The following MALL variants were observed in gnomAD, a reference collection of about 807,000 sequenced individuals.
MALL encodes mal, T cell differentiation protein like.
Under a neutral mutation model 10.3 loss-of-function variants are expected in MALL, and 2 were observed. The observed-to-expected ratio is 0.19, with a 90% CI of 0.08 to 0.61. The LOEUF is 0.61. MALL is among the 20% of genes least tolerant of loss of function. The probability of loss-of-function intolerance (pLI) is 0.88; values close to 1 mark genes in which losing one functional copy is unlikely to be tolerated. For missense variants in MALL, 39 were observed against 115.2 expected (o/e 0.34, Z 3.03); for synonymous variants, 27 against 51.8 (o/e 0.52, Z 2.05).
chr2:110,102,279 G>C (rs1246004852), intron 1 of MALL, among the ~76,000 whole-genome samples: 11 of 152,088 alleles, frequency 7.2e-5, no homozygotes, highest in Non-Finnish European at 1.5e-5. Context: ...GAAAGGCAGG[G>C]ACCAGACCAT....
intron 1 of MALL, among the ~76,000 whole-genome samples, chr2:110,109,852 T>C (rs2104392897): frequency 6.6e-6 from 1 of 152,016 alleles, no homozygotes; most frequent in East Asian, 1.9e-4. Context: ...TTTAAGAAAA[T>C]TGAAATTATA....
At chr2:110,107,846 A>G (rs1206666115) in intron 1 of MALL, among the ~76,000 whole-genome samples, 1 of 152,200 alleles carries the variant, frequency 6.6e-6, no homozygotes, top group Non-Finnish European at 1.5e-5. Flanking sequence ...AGACCCATAG[A>G]CATTCCACAT....
intron 1 of MALL, among the ~76,000 whole-genome samples, chr2:110,092,653 T>A (rs1678395385): frequency 8.5e-6 from 1 of 118,100 alleles, no homozygotes. Context: ...CATGTATACA[T>A]ATGTAACAAA....
rs200648925 is a variant in MALL at position 110,108,306 on chromosome 2, A to G, written c.105+7382T>C. 1.2e-4 allele frequency among the ~76,000 whole-genome samples: 18 copies of G among 152,254 alleles called. 1 individual carries two copies. The East Asian group carries it at 3.5e-3, about 29-fold the overall frequency. On this transcript the variant is annotated intron_variant, in intron 1 of 3. Coordinates refer to ENST00000272462, the MANE Select transcript of MALL (RefSeq NM_005434.5). The stretch of plus-strand genomic sequence containing the variant: ...AAAAAATGATACAAGAAGTGAAGGG[A>G]GAAATATTCATGGAAATAGATAGCT...
chr2:110,107,778 G>A (rs1195611312), intron 1 of MALL, among the ~76,000 whole-genome samples: 1 of 152,140 alleles, frequency 6.6e-6, no homozygotes, highest in Non-Finnish European at 1.5e-5. Context: ...GACCCTCACA[G>A]AGTCCACTGC....
At chr2:110,100,580 ACACACC>A (rs1279863348) in intron 1 of MALL, among the ~76,000 whole-genome samples, 1 of 152,054 alleles carries the variant, frequency 6.6e-6, no homozygotes, top group African/African-American at 2.4e-5. Context: ...TCACTTACAC[ACACACC>A]CACACCCGCC....
chr2:110,103,819 A>G (rs1678630250), intron 1 of MALL, among the ~76,000 whole-genome samples: 1 of 152,112 alleles, frequency 6.6e-6, no homozygotes, highest in Non-Finnish European at 1.5e-5. Context: ...GTCCTGCTGG[A>G]CGGCCAGGGA....
intron 1 of MALL, among the ~76,000 whole-genome samples, chr2:110,092,601 T>A (rs1678394090): frequency 1.2e-5 from 1 of 82,862 alleles, no homozygotes; most frequent in South Asian, 4.6e-4. Context: ...CTATGTTTTT[T>A]ATCAAGTTTA....
intron 1 of MALL, among the ~76,000 whole-genome samples, chr2:110,101,421 C>T (rs180810110): frequency 2.2e-4 from 33 of 152,298 alleles, no homozygotes; most frequent in African/African-American, 7.2e-4. Context: ...ATTGCCAGCC[C>T]AGGCCCCTAA....
At chr2:110,115,246 AAAG>A (rs1678881691) in intron 1 of MALL, among the ~76,000 whole-genome samples, 1 of 152,190 alleles carries the variant, frequency 6.6e-6, no homozygotes, top group Admixed American at 6.5e-5. Flanking sequence ...TAGTTGGACA[AAAG>A]AAGCCGCGTA....
At chr2:110,097,543 G>C (rs1678471059) in intron 1 of MALL, 1 of 456,566 alleles carries the variant, frequency 2.2e-6, no homozygotes, top group East Asian at 7.0e-5. Flanking sequence ...GAGAGGGGCT[G>C]CTGCAGGGGC....
chr2:110,113,279 C>CA lies in MALL; in HGVS notation c.105+2408dup, dbSNP rs551434609. Among the ~76,000 whole-genome samples the CA allele has an allele frequency of 3.7e-3, 535 of 144,778 alleles. 1 individual carries two copies. Among genetic ancestry groups the CA allele is most frequent in the South Asian group, 0.013 (60 of 4,536 alleles). The allele number at this position is 144,778 out of a possible 152,430, so 95.0% of individuals were successfully genotyped here. A position where few individuals can be genotyped will look rare whatever the true frequency, so the allele number is the denominator to read the frequency against. ...TGAAACCCCGTCTCTACTAAAAATA[C>CA]AAAAAAAAAATTAGCTGGGCATGGT... On this transcript the variant is annotated intron_variant, in intron 1 of 3. Coordinates refer to ENST00000272462, the MANE Select transcript of MALL (RefSeq NM_005434.5).
intron 1 of MALL, among the ~76,000 whole-genome samples, chr2:110,095,188 GT>G (rs1474952611): frequency 6.6e-6 from 1 of 152,114 alleles, no homozygotes; most frequent in African/African-American, 2.4e-5. Context: ...TTGAGTATTT[GT>G]TTTTACTTTT....
intron 1 of MALL, among the ~76,000 whole-genome samples, chr2:110,095,304 C>T (rs560976029): frequency 3.3e-5 from 5 of 152,226 alleles, no homozygotes; most frequent in Non-Finnish European, 5.9e-5. Context: ...TATTTTTCAA[C>T]GGTTGGGGCT....
rs182085514 is a variant in MALL at position 110,097,836 on chromosome 2, G to C, written c.106-6066C>G. On this transcript the variant is annotated intron_variant, in intron 1 of 3. Transcript: ENST00000272462. ...AACCCCAAATTCCTTTTCTTACTGC[G>C]TCTCTTAATTTTTATGACAGCTTTG... Among the ~76,000 whole-genome samples the C allele has an allele frequency of 1.2e-4, 19 of 152,194 alleles. No individual in the cohort carries two copies. The East Asian group carries it at 3.5e-3, about 28-fold the overall frequency.
At chr2:110,116,345 C>T (rs1218784901), upstream of MALL, 4 of 152,456 alleles carry the variant, frequency 2.6e-5, no homozygotes, top group African/African-American at 4.8e-5. Context: ...CTTTTCCACT[C>T]TTGGGGACAG....
intron 1 of MALL, among the ~76,000 whole-genome samples, chr2:110,100,690 C>T (rs1006438363): frequency 6.6e-6 from 1 of 152,174 alleles, no homozygotes; most frequent in Non-Finnish European, 1.5e-5. Flanking sequence ...CTGCCCACCC[C>T]TGGACCATTC....
At chr2:110,100,016 C>G (rs1428346731) in intron 1 of MALL, among the ~76,000 whole-genome samples, 1 of 152,122 alleles carries the variant, frequency 6.6e-6, no homozygotes, top group African/African-American at 2.4e-5. Context: ...TCTCTTCAAA[C>G]ACTCCACTGC....
intron 1 of MALL, among the ~76,000 whole-genome samples, chr2:110,095,301 C>G (rs1678417749): frequency 6.6e-6 from 1 of 152,128 alleles, no homozygotes; most frequent in South Asian, 2.1e-4. Flanking sequence ...AGATATTTTT[C>G]AACGGTTGGG....
Sources: allele counts gnomAD v4.1 joint callset (sites outside exome capture counted in the v4.1 genomes callset), GRCh38; gene constraint gnomAD v4.1.1; transcripts MANE v1.5; gene names NCBI Gene and HGNC (gene_info 2026-07-23, HGNC 2026-07-21).